The following SH3BGR variants were observed in gnomAD, a reference collection of about 807,000 sequenced individuals.
SH3BGR encodes SH3 domain binding glutamate rich protein, also known as SH3 domain-binding glutamic acid-rich protein.
SH3BGR carries 29 observed loss-of-function variants against 24.5 expected under a neutral mutation model. That is an observed-to-expected ratio of 1.18 (90% CI 0.88 to 1.61). SH3BGR has a LOEUF of 1.61. Among genes scored for constraint, SH3BGR ranks in the 40% most tolerant of loss-of-function variants. SH3BGR has a pLI of 0.00. For missense variants in SH3BGR, 162 were observed against 205.8 expected (o/e 0.79, Z 1.30); for synonymous variants, 55 against 65.7 (o/e 0.84, Z 0.79).
intron 3 of SH3BGR, among the ~76,000 whole-genome samples, chr21:39,481,405 G>T (rs998082519): frequency 2.0e-5 from 3 of 152,140 alleles, no homozygotes; most frequent in Non-Finnish European, 2.9e-5. Flanking sequence ...TCATATAATA[G>T]CATTAATAGA....
In SH3BGR at chr21:39,459,622, T is replaced by G. The variant is rs144934133; in HGVS notation, c.46-2753T>G. On this transcript the variant is annotated intron_variant, in intron 1 of 6. Transcript: ENST00000333634. ...ATCATAGCTCATTGCAGCCTCCACC[T>G]CCCAGGCTCAAGTGATCTTCCCACC... is the stretch of plus-strand genomic sequence containing the variant. Among the ~76,000 whole-genome samples, 305 of 152,102 alleles carry G rather than the reference T, an allele frequency of 2.0e-3. 1 individual carries two copies. The highest frequency in any genetic ancestry group is 7.2e-3 in the African/African-American group (297 of 41,480).
chr21:39,452,439 C>CT (rs1165163370), intron 1 of SH3BGR, among the ~76,000 whole-genome samples: 1 of 152,156 alleles, frequency 6.6e-6, no homozygotes, highest in African/African-American at 2.4e-5. Flanking sequence ...GAAGCAGGGA[C>CT]TTTTTTGTAT....
At chr21:39,499,764 G>GTTTTTTTTTTTTTTT in intron 3 of SH3BGR, 59 bp from the exon 4 acceptor site, 1 of 1,041,764 alleles carries the variant, frequency 9.6e-7, no homozygotes, top group Non-Finnish European at 1.4e-6. Context: ...TATGTGGCCT[G>GTTTTTTTTTTTTTTT]TTTTTTTTTT....
intron 2 of SH3BGR, among the ~76,000 whole-genome samples, chr21:39,473,504 A>C (rs1482625334): frequency 2.0e-5 from 3 of 152,222 alleles, no homozygotes; most frequent in Admixed American, 2.0e-4. Flanking sequence ...GGCAGCTTCC[A>C]ACCATGTATT....
At chr21:39,449,613 A>C (rs1423294433), upstream of SH3BGR, among the ~76,000 whole-genome samples, 1 of 152,222 alleles carries the variant, frequency 6.6e-6, no homozygotes, top group Non-Finnish European at 1.5e-5. Flanking sequence ...TTTAATTTGT[A>C]CATTTTTATG....
At chr21:39,497,343 CG>C (rs2078415067) in intron 3 of SH3BGR, among the ~76,000 whole-genome samples, 1 of 151,242 alleles carries the variant, frequency 6.6e-6, no homozygotes, top group African/African-American at 2.4e-5. Flanking sequence ...CAAATGTAGA[CG>C]TCGACTTTAC....
chr21:39,495,776 T>C (rs1232594854), intron 3 of SH3BGR, among the ~76,000 whole-genome samples: 1 of 152,168 alleles, frequency 6.6e-6, no homozygotes. Context: ...GCCATCATGC[T>C]CCTTCTGAAA....
intron 4 of SH3BGR, 128 bp downstream of exon 4, chr21:39,500,043 G>A (rs1484686121): frequency 3.0e-6 from 2 of 677,236 alleles, no homozygotes; most frequent in African/African-American, 1.8e-5. Flanking sequence ...AGTTTAGCCA[G>A]GGAGGAAGCA....
At chr21:39,449,543 G>A (rs1395624715), upstream of SH3BGR, among the ~76,000 whole-genome samples, 1 of 152,118 alleles carries the variant, frequency 6.6e-6, no homozygotes, top group East Asian at 1.9e-4. Context: ...GTTGAAGCTC[G>A]TTTGTGTCAT....
chr21:39,472,245 C>T (rs1320263090), intron 2 of SH3BGR, among the ~76,000 whole-genome samples: 1 of 152,104 alleles, frequency 6.6e-6, no homozygotes, highest in Non-Finnish European at 1.5e-5. Flanking sequence ...AGTCCAAGAT[C>T]GAGGGGCAGC....
At chr21:39,498,330 T>A (rs1050332149) in intron 3 of SH3BGR, among the ~76,000 whole-genome samples, 28 of 152,340 alleles carry the variant, frequency 1.8e-4, no homozygotes, top group African/African-American at 5.5e-4. Context: ...GCAGAGCCTC[T>A]GTAATAAAAA....
rs147131543 is a variant in SH3BGR, at chr21:39,499,871, G to T, written c.361G>T (p.Gly121Cys). The part of the protein sequence containing the change: ...EGGETEAQKE[G>C]SEDVGNLPEA... ...TGGAGAAACTGAGGCACAAAAAGAG[G>T]GCAGTGAAGATGTGGGCAACCTCCC... The change falls in exon 4 of 7, where the codon GGC becomes TGC. Residue 121 changes from glycine (G) to cysteine (C), a missense_variant. Coordinates refer to ENST00000333634, the MANE Select transcript of SH3BGR (RefSeq NM_007341.3). The T allele has an allele frequency of 3.7e-4, 604 of 1,613,918 alleles. 3 individuals carry two copies. In the African/African-American group the frequency reaches 7.6e-3, roughly 20 times the overall value.
At chr21:39,452,636 A>G (rs1485965832) in intron 1 of SH3BGR, among the ~76,000 whole-genome samples, 1 of 152,196 alleles carries the variant, frequency 6.6e-6, no homozygotes, top group African/African-American at 2.4e-5. Context: ...TGTGTAATCC[A>G]TTGTTTGAGG....
At chr21:39,506,874 T>C (rs952120108) in intron 4 of SH3BGR, among the ~76,000 whole-genome samples, 5 of 152,080 alleles carry the variant, frequency 3.3e-5, no homozygotes, top group Non-Finnish European at 7.4e-5. Flanking sequence ...CTGGCTGCAG[T>C]CTGGAGCACA....
chr21:39,480,444 C>CA (rs1168513358), intron 3 of SH3BGR, among the ~76,000 whole-genome samples: 1 of 152,202 alleles, frequency 6.6e-6, no homozygotes, highest in Admixed American at 6.5e-5. Context: ...AACCATACAC[C>CA]ATGGGGTCCT....
At chr21:39,506,492 A>G (rs943661726) in intron 4 of SH3BGR, among the ~76,000 whole-genome samples, 1 of 152,202 alleles carries the variant, frequency 6.6e-6, no homozygotes, top group Non-Finnish European at 1.5e-5. Context: ...TATAAAGGAA[A>G]GAGGTTTAAT....
chr21:39,498,045 G>C (rs1225187794), intron 3 of SH3BGR, among the ~76,000 whole-genome samples: 1 of 152,218 alleles, frequency 6.6e-6, no homozygotes, highest in Non-Finnish European at 1.5e-5. Flanking sequence ...ATATGAAGCA[G>C]ATGTTAAAAA....
At chr21:39,485,397 A>G (rs892614250) in intron 3 of SH3BGR, among the ~76,000 whole-genome samples, 3 of 152,234 alleles carry the variant, frequency 2.0e-5, no homozygotes, top group Non-Finnish European at 4.4e-5. Context: ...GATTCATTTC[A>G]GCTTACAAAA....
intron 1 of SH3BGR, among the ~76,000 whole-genome samples, chr21:39,461,813 T>G (rs1417425146): frequency 6.6e-6 from 1 of 152,180 alleles, no homozygotes; most frequent in Non-Finnish European, 1.5e-5. Context: ...AATTTAGTTT[T>G]AACAGTTGAT....
Sources: gnomAD v4.1 joint callset for allele counts (sites outside exome capture counted in the v4.1 genomes callset) on GRCh38, gnomAD v4.1.1 for gene constraint, MANE v1.5 for transcripts, NCBI Gene and HGNC (gene_info 2026-07-23, HGNC 2026-07-21) for gene names.